Variants in TRAPPC9 observed in about 807,000 individuals in gnomAD.
TRAPPC9 encodes IKK2 binding protein.
TRAPPC9 carries 83 observed loss-of-function variants against 124.0 expected under a neutral mutation model. The observed-to-expected ratio is 0.67, with a 90% confidence interval of 0.56 to 0.80. TRAPPC9 has a LOEUF of 0.80. Among genes scored for constraint, TRAPPC9 ranks in the 30% least tolerant of loss-of-function variants. TRAPPC9 has a pLI of 0.00. For synonymous variants in TRAPPC9, 638 were observed against 617.5 expected (o/e 1.03, Z -0.49); for missense variants, 1,302 against 1,508.3 (o/e 0.86, Z 2.27).
At chr8:140,140,048 C>A (rs556756337) in intron 17 of TRAPPC9, among the ~76,000 whole-genome samples, 1 of 152,106 alleles carries the variant, frequency 6.6e-6, no homozygotes, top group East Asian at 1.9e-4. Context: ...AGGACCACAA[C>A]GGGGTGCTTG....
chr8:140,041,798 C>A (rs1480229020), intron 17 of TRAPPC9, among the ~76,000 whole-genome samples: 1 of 152,162 alleles, frequency 6.6e-6, no homozygotes, highest in Non-Finnish European at 1.5e-5. Context: ...ATGGTAAAAC[C>A]TCATCTCTAC....
intron 19 of TRAPPC9, among the ~76,000 whole-genome samples, chr8:139,967,447 G>GACTCGATCCAGTTCCT (rs1169046595): frequency 2.0e-5 from 3 of 152,246 alleles, no homozygotes; most frequent in Non-Finnish European, 2.9e-5. Context: ...GGGTTCGAAT[G>GACTCGATCCAGTTCCT]ACTCGATCCA....
chr8:140,209,718 C>T (rs957151668), intron 17 of TRAPPC9, among the ~76,000 whole-genome samples: 3 of 152,098 alleles, frequency 2.0e-5, no homozygotes, highest in South Asian at 2.1e-4. Flanking sequence ...ACAATAGCCC[C>T]GGAGAAAGTA....
At chr8:140,047,548 A>G (rs1042954998) in intron 17 of TRAPPC9, among the ~76,000 whole-genome samples, 10 of 152,174 alleles carry the variant, frequency 6.6e-5, no homozygotes, top group African/African-American at 2.4e-4. Context: ...CACATCGCGC[A>G]TGAAGAAGGG....
At chr8:140,446,295 A>AC (rs2071253292) in intron 2 of TRAPPC9, among the ~76,000 whole-genome samples, 1 of 124,670 alleles carries the variant, frequency 8.0e-6, no homozygotes, top group African/African-American at 3.1e-5. Flanking sequence ...CTCTGTCTCA[A>AC]AAAAAAAAAA....
At chr8:140,249,546 T>A (rs2064075630) in intron 16 of TRAPPC9, among the ~76,000 whole-genome samples, 1 of 151,792 alleles carries the variant, frequency 6.6e-6, no homozygotes, top group Non-Finnish European at 1.5e-5. Flanking sequence ...TCACACTGTA[T>A]TTTTTTTCCT....
chr8:140,332,234 G>A (rs1297870282), intron 9 of TRAPPC9, among the ~76,000 whole-genome samples: 4 of 152,212 alleles, frequency 2.6e-5, no homozygotes, highest in Non-Finnish European at 4.4e-5. Flanking sequence ...GCCAGGCACA[G>A]AAAGGCAAAT....
intron 17 of TRAPPC9, among the ~76,000 whole-genome samples, chr8:140,123,497 C>A (rs1240570487): frequency 6.6e-6 from 1 of 152,142 alleles, no homozygotes; most frequent in East Asian, 1.9e-4. Context: ...CCCTCACAGC[C>A]CGGCCACACC....
chr8:139,963,034 C>T (rs1463249154), intron 19 of TRAPPC9, among the ~76,000 whole-genome samples: 3 of 152,172 alleles, frequency 2.0e-5, no homozygotes, highest in Non-Finnish European at 4.4e-5. Context: ...AGCCAATAAG[C>T]TTGTGATAAT....
At chr8:140,444,449 G>T (rs1014722021) in intron 2 of TRAPPC9, among the ~76,000 whole-genome samples, 1 of 152,032 alleles carries the variant, frequency 6.6e-6, no homozygotes, top group Non-Finnish European at 1.5e-5. Context: ...GGACGGAGGC[G>T]GTGAAGGGCA....
At chr8:140,426,553 A>G in intron 5 of TRAPPC9, 62 bp downstream of exon 5, 1 of 1,493,588 alleles carries the variant, frequency 6.7e-7, no homozygotes, top group South Asian at 1.2e-5. Context: ...ATTCATTCAC[A>G]TCACCATGAA....
At chr8:140,437,293 T>C (rs934003422) in intron 3 of TRAPPC9, among the ~76,000 whole-genome samples, 1 of 152,114 alleles carries the variant, frequency 6.6e-6, no homozygotes, top group Non-Finnish European at 1.5e-5. Flanking sequence ...AGTGTTGGGA[T>C]TACAGGCATG....
chr8:139,957,725 G>A (rs924825689), intron 19 of TRAPPC9, among the ~76,000 whole-genome samples: 4 of 152,096 alleles, frequency 2.6e-5, no homozygotes, highest in East Asian at 1.9e-4. Context: ...CAGCCGCAGG[G>A]GTGGCTCACT....
At chr8:140,319,044 G>T (rs898648833) in intron 9 of TRAPPC9, among the ~76,000 whole-genome samples, 2 of 152,204 alleles carry the variant, frequency 1.3e-5, no homozygotes, top group African/African-American at 2.4e-5. Context: ...GATTTGGTTA[G>T]TGGGAGGTGA....
At chr8:140,413,640 C>A (rs2069788639) in intron 5 of TRAPPC9, among the ~76,000 whole-genome samples, 1 of 143,596 alleles carries the variant, frequency 7.0e-6, no homozygotes, top group Non-Finnish European at 1.5e-5. Context: ...AGGTATATCT[C>A]CTAATGCTAT....
chr8:140,051,576 CTTT>C (rs1197128988), intron 17 of TRAPPC9, among the ~76,000 whole-genome samples: 48 of 88,022 alleles, frequency 5.5e-4, no homozygotes, highest in Middle Eastern at 9.1e-3. Context: ...ATTGTTCATT[CTTT>C]TTTTTTTTTT....
At chr8:140,421,853 C>T (rs1266420456) in intron 5 of TRAPPC9, among the ~76,000 whole-genome samples, 5 of 151,978 alleles carry the variant, frequency 3.3e-5, no homozygotes, top group African/African-American at 1.2e-4. Context: ...GTTAGCTCAA[C>T]TAGCAGTGAT....
intron 19 of TRAPPC9, among the ~76,000 whole-genome samples, chr8:139,963,749 C>CAAAAAAAAA (rs58224556): frequency 6.5e-5 from 7 of 107,370 alleles, no homozygotes; most frequent in African/African-American, 2.0e-4. Context: ...CCAGTTCTAC[C>CAAAAAAAAA]AAAAAAAAAA....
intron 19 of TRAPPC9, among the ~76,000 whole-genome samples, chr8:139,980,416 G>A (rs1457472362): frequency 5.3e-5 from 8 of 152,098 alleles, no homozygotes; most frequent in South Asian, 4.1e-4. Flanking sequence ...AATTGGGTCC[G>A]GTCACCTCCA....
Sources: allele counts gnomAD v4.1 joint callset (sites outside exome capture counted in the v4.1 genomes callset), GRCh38; gene constraint gnomAD v4.1.1; transcripts MANE v1.5; gene names NCBI Gene and HGNC (gene_info 2026-07-23, HGNC 2026-07-21).